PPM1H: variants seen among roughly 807,000 people sequenced by gnomAD.
PPM1H encodes the protein protein phosphatase, Mg2+/Mn2+ dependent 1H.
A neutral mutation model predicts 54.9 loss-of-function variants in PPM1H; 27 were observed. That is an observed-to-expected ratio of 0.49 (90% CI 0.36 to 0.68). The LOEUF (loss-of-function observed/expected upper bound fraction) is 0.68, where lower values mean the gene tolerates loss of function less well. Among genes scored for constraint, PPM1H ranks in the 30% least tolerant of loss-of-function variants. The pLI, the probability that PPM1H is intolerant of heterozygous loss-of-function variation, is 0.00. For missense variants in PPM1H, 596 were observed against 667.8 expected (o/e 0.89, Z 1.19); for synonymous variants, 305 against 270.8 (o/e 1.13, Z -1.24).
At chr12:62,875,189 T>C (rs924644176) in intron 1 of PPM1H, among the ~76,000 whole-genome samples, 1 of 152,148 alleles carries the variant, frequency 6.6e-6, no homozygotes, top group African/African-American at 2.4e-5. Flanking sequence ...AACCAGTGAG[T>C]GGTAAAGCTT....
Position 62,904,555 on chromosome 12 carries a change from C to T in PPM1H, c.245+29937G>A, listed in dbSNP as rs977734063. ...CGGCTTCATGGGCCCTTCTAAGAAA[C>T]GAAGAAACTGACCAGTAGACAGAAC... On this transcript the variant is annotated intron_variant, in intron 1 of 9. Transcript: ENST00000228705. Among the ~76,000 whole-genome samples the T allele has an allele frequency of 3.7e-4, 57 of 152,140 alleles. 1 individual carries two copies. The highest frequency in any genetic ancestry group is 1.2e-3 in the African/African-American group (49 of 41,486).
intron 9 of PPM1H, among the ~76,000 whole-genome samples, chr12:62,651,306 A>C (rs1012119377): frequency 6.6e-6 from 1 of 151,734 alleles, no homozygotes; most frequent in Non-Finnish European, 1.5e-5. Flanking sequence ...AGACACTCAA[A>C]GATGTCAAAA....
At chr12:62,855,096 A>C (rs1869334632) in intron 1 of PPM1H, among the ~76,000 whole-genome samples, 1 of 151,656 alleles carries the variant, frequency 6.6e-6, no homozygotes, top group Non-Finnish European at 1.5e-5. Flanking sequence ...CATGTGATAA[A>C]GAATGTACTG....
chr12:62,862,703 C>A (rs1467517800), intron 1 of PPM1H, among the ~76,000 whole-genome samples: 1 of 152,156 alleles, frequency 6.6e-6, no homozygotes. Flanking sequence ...ACTTTAATAT[C>A]ATATTTAGAA....
chr12:62,657,607 G>A (rs1164265647), intron 9 of PPM1H, among the ~76,000 whole-genome samples: 1 of 152,130 alleles, frequency 6.6e-6, no homozygotes, highest in Admixed American at 6.5e-5. Context: ...ACCAGTAATT[G>A]GTATGGTGAA....
chr12:62,726,920 CT>C (rs1027148343), intron 5 of PPM1H, among the ~76,000 whole-genome samples: 26 of 147,382 alleles, frequency 1.8e-4, no homozygotes, highest in South Asian at 2.2e-4. Flanking sequence ...AATTTACTGA[CT>C]TTTTTTTTTT....
intron 1 of PPM1H, among the ~76,000 whole-genome samples, chr12:62,837,855 T>C (rs1868550525): frequency 6.6e-6 from 1 of 152,184 alleles, no homozygotes; most frequent in Non-Finnish European, 1.5e-5. Flanking sequence ...TCTACGCCTT[T>C]CCATCAGCAT....
intron 1 of PPM1H, among the ~76,000 whole-genome samples, chr12:62,903,647 T>A (rs527346522): frequency 6.6e-6 from 1 of 151,552 alleles, no homozygotes; most frequent in Non-Finnish European, 1.5e-5. Context: ...GCAGAAAACA[T>A]AAGACACGAA....
intron 2 of PPM1H, among the ~76,000 whole-genome samples, chr12:62,816,779 C>T (rs74346040): frequency 0.02 from 2,971 of 151,648 alleles, 109 homozygotes; most frequent in African/African-American, 0.066. Flanking sequence ...GTTTATTGCC[C>T]TTGACAATGT....
chr12:62,692,259 G>C (rs1349511038), intron 7 of PPM1H, among the ~76,000 whole-genome samples: 1 of 152,108 alleles, frequency 6.6e-6, no homozygotes, highest in Admixed American at 6.5e-5. Flanking sequence ...CTTTTAAATA[G>C]GCCAACAGGT....
chr12:62,924,528 A>T (rs369636059), intron 1 of PPM1H, among the ~76,000 whole-genome samples: 3 of 152,248 alleles, frequency 2.0e-5, no homozygotes, highest in Non-Finnish European at 4.4e-5. Context: ...ATCCAAGTGC[A>T]TAAGGAGATG....
At chr12:62,678,108 G>A (rs2075998252) in intron 8 of PPM1H, among the ~76,000 whole-genome samples, 1 of 152,092 alleles carries the variant, frequency 6.6e-6, no homozygotes, top group Non-Finnish European at 1.5e-5. Context: ...TACCATGCCT[G>A]GCTAAGTTTT....
At chr12:62,767,983 C>T (rs1306124361) in intron 4 of PPM1H, among the ~76,000 whole-genome samples, 1 of 152,216 alleles carries the variant, frequency 6.6e-6, no homozygotes, top group Non-Finnish European at 1.5e-5. Flanking sequence ...AGTTTGGCCT[C>T]ATCTTAATTA....
intron 1 of PPM1H, among the ~76,000 whole-genome samples, chr12:62,915,619 G>A (rs539493465): frequency 1.9e-4 from 29 of 152,254 alleles, no homozygotes; most frequent in Admixed American, 5.9e-4. Context: ...GCATACAGGC[G>A]TACCCAAGAG....
chr12:62,899,200 A>AT lies in PPM1H; in HGVS notation c.245+35291dup, dbSNP rs763055853. Among the ~76,000 whole-genome samples the AT allele has an allele frequency of 2.4e-4, 36 of 152,210 alleles. 1 individual carries two copies. The East Asian group carries it at 4.1e-3, about 17-fold the overall frequency. ...AACTCCTAGGTGCACTTTTGTATGTATTTTTTTATTAGCTATCTGACAGCC... is the reference window on the plus strand; with the variant it reads ...AACTCCTAGGTGCACTTTTGTATGTATTTTTTTTATTAGCTATCTGACAGCC... On this transcript the variant is annotated intron_variant, in intron 1 of 9. Coordinates refer to ENST00000228705, the MANE Select transcript of PPM1H (RefSeq NM_020700.2).
rs1174221950 is a variant in PPM1H at position 62,705,226 on chromosome 12, C to CT, written c.1074-11228dup. 3.3e-5 allele frequency among the ~76,000 whole-genome samples: 5 copies of CT among 152,320 alleles called. No homozygotes were observed. In the East Asian group the frequency reaches 7.7e-4, roughly 23 times the overall value. ...TGTTTAAAATGCTGCTCTCCATATACTAAACTGATTTCACAATCCTGTGAA... is the reference window on the plus strand; with the variant it reads ...TGTTTAAAATGCTGCTCTCCATATACTTAAACTGATTTCACAATCCTGTGAA... On this transcript the variant is annotated intron_variant, in intron 6 of 9. Coordinates refer to ENST00000228705, the MANE Select transcript of PPM1H (RefSeq NM_020700.2).
chr12:62,864,393 C>T (rs774087012), intron 1 of PPM1H, among the ~76,000 whole-genome samples: 1 of 152,078 alleles, frequency 6.6e-6, no homozygotes, highest in Non-Finnish European at 1.5e-5. Context: ...TAACATGAAC[C>T]TAGAGTGACT....
At chr12:62,886,796 CAGAG>C (rs916609757) in intron 1 of PPM1H, among the ~76,000 whole-genome samples, 2 of 152,112 alleles carry the variant, frequency 1.3e-5, no homozygotes, top group Non-Finnish European at 2.9e-5. Context: ...TCAATTTATG[CAGAG>C]AGAAAGGCAT....
At chr12:62,907,677 T>C (rs1208910569) in intron 1 of PPM1H, among the ~76,000 whole-genome samples, 1 of 152,206 alleles carries the variant, frequency 6.6e-6, no homozygotes, top group Non-Finnish European at 1.5e-5. Flanking sequence ...ATCTCAATAG[T>C]GCTCTGTGTG....
Sources: allele counts gnomAD v4.1 joint callset (sites outside exome capture counted in the v4.1 genomes callset), GRCh38; gene constraint gnomAD v4.1.1; transcripts MANE v1.5; gene names NCBI Gene and HGNC (gene_info 2026-07-23, HGNC 2026-07-21).